The following LUZP2 variants were observed in gnomAD, a reference collection of about 807,000 sequenced individuals.
LUZP2 encodes the protein leucine zipper protein 2.
LUZP2 carries 52 observed loss-of-function variants against 51.6 expected under a neutral mutation model. That is an observed-to-expected ratio of 1.01 (90% CI 0.81 to 1.27). The LOEUF (loss-of-function observed/expected upper bound fraction) is 1.27. LUZP2 is among the 50% of genes most tolerant of loss of function. The probability of loss-of-function intolerance (pLI) is 0.00; values close to 1 mark genes in which losing one functional copy is unlikely to be tolerated. For synonymous variants in LUZP2, 154 were observed against 137.3 expected, an observed-to-expected ratio of 1.12 and a Z score of -0.85; for missense variants, 436 against 395.4, an observed-to-expected ratio of 1.10 and a Z score of -0.87.
intron 1 of LUZP2, among the ~76,000 whole-genome samples, chr11:24,565,558 T>G (rs749020909): frequency 2.6e-5 from 4 of 152,112 alleles, no homozygotes; most frequent in Non-Finnish European, 2.9e-5. Flanking sequence ...ATAAAGGAAA[T>G]AGAAAGCATT....
intron 1 of LUZP2, among the ~76,000 whole-genome samples, chr11:24,643,083 G>T (rs977390690): frequency 6.6e-6 from 1 of 151,776 alleles, no homozygotes; most frequent in African/African-American, 2.4e-5. Flanking sequence ...CGTGATGAGA[G>T]CCTCAATTAT....
intron 7 of LUZP2, among the ~76,000 whole-genome samples, chr11:24,974,565 TA>T (rs1209950399): frequency 3.3e-5 from 5 of 152,118 alleles, no homozygotes; most frequent in Non-Finnish European, 1.5e-5. Context: ...TTTCTACCAA[TA>T]AAATGAAATA....
At chr11:24,612,261 GAT>G (rs1030935708) in intron 1 of LUZP2, among the ~76,000 whole-genome samples, 1 of 152,148 alleles carries the variant, frequency 6.6e-6, no homozygotes, top group Non-Finnish European at 1.5e-5. Flanking sequence ...CACTATCAGA[GAT>G]AGAAAATGCA....
At chr11:24,779,323 G>A (rs1270451763) in intron 5 of LUZP2, among the ~76,000 whole-genome samples, 2 of 152,052 alleles carry the variant, frequency 1.3e-5, no homozygotes, top group Non-Finnish European at 2.9e-5. Context: ...GTGCTTAGAA[G>A]ACAAAAAATA....
chr11:24,570,297 T>C (rs1852391095), intron 1 of LUZP2, among the ~76,000 whole-genome samples: 1 of 152,082 alleles, frequency 6.6e-6, no homozygotes, highest in Non-Finnish European at 1.5e-5. Flanking sequence ...GAAAGTGCTT[T>C]TCTTAAAAGT....
intron 5 of LUZP2, among the ~76,000 whole-genome samples, chr11:24,880,317 A>T (rs1041222296): frequency 6.6e-6 from 1 of 151,566 alleles, no homozygotes; most frequent in African/African-American, 2.4e-5. Context: ...GGCTGCTGCC[A>T]GGGCATGGGA....
intron 1 of LUZP2, among the ~76,000 whole-genome samples, chr11:24,686,051 C>A (rs1856888571): frequency 6.6e-6 from 1 of 152,112 alleles, no homozygotes; most frequent in Non-Finnish European, 1.5e-5. Context: ...GAAATCATTT[C>A]ACTCTTCTTT....
intron 7 of LUZP2, among the ~76,000 whole-genome samples, chr11:24,927,392 G>A (rs1247583707): frequency 1.3e-5 from 2 of 152,020 alleles, no homozygotes; most frequent in Admixed American, 1.3e-4. Context: ...ATGGCTTCAG[G>A]TCTTAGATTT....
intron 7 of LUZP2, among the ~76,000 whole-genome samples, chr11:24,955,632 A>G (rs2133869705): frequency 6.6e-6 from 1 of 152,172 alleles, no homozygotes; most frequent in Non-Finnish European, 1.5e-5. Flanking sequence ...TCCTGGAATA[A>G]TTCACCTCTC....
chr11:24,590,440 G>C (rs980159784), intron 1 of LUZP2, among the ~76,000 whole-genome samples: 3 of 152,176 alleles, frequency 2.0e-5, no homozygotes, highest in East Asian at 3.9e-4. Context: ...AAGCCTCTCT[G>C]CTAGCAATTT....
chr11:24,575,757 C>T (rs567831476), intron 1 of LUZP2, among the ~76,000 whole-genome samples: 3 of 152,194 alleles, frequency 2.0e-5, no homozygotes, highest in African/African-American at 4.8e-5. Context: ...TTTCTTTTAA[C>T]CATATTCCAT....
At chr11:24,938,063 T>G (rs1275049349) in intron 7 of LUZP2, among the ~76,000 whole-genome samples, 1 of 152,146 alleles carries the variant, frequency 6.6e-6, no homozygotes, top group Non-Finnish European at 1.5e-5. Context: ...GTTTATCTCT[T>G]TTTATTTTAG....
intron 1 of LUZP2, among the ~76,000 whole-genome samples, chr11:24,699,653 C>CTATATATATATA (rs376832974): frequency 1.5e-5 from 2 of 132,096 alleles, no homozygotes; most frequent in South Asian, 4.6e-4. Flanking sequence ...ATAGCCTTGG[C>CTATATATATATA]CATATATATA....
chr11:25,071,192 G>A (rs11028399), intron 10 of LUZP2, among the ~76,000 whole-genome samples: 136,447 of 151,804 alleles, frequency 0.9, 62,318 homozygotes, highest in Non-Finnish European at 0.98. Flanking sequence ...CTAATCTATA[G>A]TAAATATATA....
rs1393047896 is a variant in LUZP2 at position 24,688,998 on chromosome 11, A to G, written c.63-40171A>G. ...ATCTGTACGAGTCTGTAGCAACTCA[A>G]TTCTTGTCTCCTTGGAGGGAGGAAT... On this transcript the variant is annotated intron_variant, in intron 1 of 11. Coordinates refer to ENST00000336930, the MANE Select transcript of LUZP2 (RefSeq NM_001009909.4). Among the ~76,000 whole-genome samples, 3 of 152,138 alleles carry G rather than the reference A, an allele frequency of 2.0e-5. No homozygotes were observed. The East Asian group carries it at 5.8e-4, about 29-fold the overall frequency.
chr11:24,783,250 C>T (rs1849142342), intron 5 of LUZP2, among the ~76,000 whole-genome samples: 2 of 151,966 alleles, frequency 1.3e-5, no homozygotes, highest in African/African-American at 4.8e-5. Flanking sequence ...TGTTACAGCT[C>T]TCATATTTCC....
intron 7 of LUZP2, among the ~76,000 whole-genome samples, chr11:24,934,738 A>G (rs1360525725): frequency 1.3e-5 from 2 of 152,138 alleles, no homozygotes; most frequent in African/African-American, 4.8e-5. Context: ...CCTATTTCAG[A>G]CCTTGCTAAT....
chr11:24,501,812 T>C (rs1850001775), intron 1 of LUZP2, among the ~76,000 whole-genome samples: 1 of 152,166 alleles, frequency 6.6e-6, no homozygotes, highest in South Asian at 2.1e-4. Context: ...TAATGATATA[T>C]AAAACAAAAT....
At chr11:24,499,076 A>C (rs1590105403) in intron 1 of LUZP2, among the ~76,000 whole-genome samples, 1 of 152,212 alleles carries the variant, frequency 6.6e-6, no homozygotes, top group Non-Finnish European at 1.5e-5. Flanking sequence ...AATTTCTTTA[A>C]AAATAGTTAA....
Sources: gnomAD v4.1 joint callset for allele counts (sites outside exome capture counted in the v4.1 genomes callset) on GRCh38, gnomAD v4.1.1 for gene constraint, MANE v1.5 for transcripts, NCBI Gene and HGNC (gene_info 2026-07-23, HGNC 2026-07-21) for gene names.